CFAP299: variants seen among roughly 807,000 people sequenced by gnomAD.
CFAP299 encodes the protein cilia- and flagella-associated protein 299.
CFAP299 carries 21 observed loss-of-function variants against 27.0 expected under a neutral mutation model. The observed-to-expected ratio is 0.78, with a 90% confidence interval of 0.55 to 1.12. The LOEUF (loss-of-function observed/expected upper bound fraction) is 1.12. Ranked by LOEUF, CFAP299 falls within the 50% of genes most tolerant of loss-of-function variation. The pLI, the probability that CFAP299 is intolerant of heterozygous loss-of-function variation, is 0.00. For missense variants in CFAP299, 310 were observed against 276.6 expected, an observed-to-expected ratio of 1.12 and a Z score of -0.86; for synonymous variants, 104 against 98.1, an observed-to-expected ratio of 1.06 and a Z score of -0.36.
At chr4:80,479,353 C>T (rs770580330) in intron 2 of CFAP299, among the ~76,000 whole-genome samples, 1 of 151,770 alleles carries the variant, frequency 6.6e-6, no homozygotes, top group Non-Finnish European at 1.5e-5. Flanking sequence ...TCTTTCATCC[C>T]AAGGCTTTTA....
chr4:80,480,675 A>G (rs1454084528), intron 2 of CFAP299, among the ~76,000 whole-genome samples: 1 of 152,016 alleles, frequency 6.6e-6, no homozygotes, highest in Non-Finnish European at 1.5e-5. Context: ...ATTTACTCAT[A>G]ACAACTGGAT....
intron 2 of CFAP299, among the ~76,000 whole-genome samples, chr4:80,446,079 C>A (rs891217517): frequency 2.6e-5 from 4 of 152,042 alleles, no homozygotes. Flanking sequence ...GCATGCTTGA[C>A]ATGTATTAGG....
chr4:80,561,707 G>A (rs934694957), intron 2 of CFAP299, among the ~76,000 whole-genome samples: 1 of 152,030 alleles, frequency 6.6e-6, no homozygotes, highest in African/African-American at 2.4e-5. Flanking sequence ...AACAGATCAA[G>A]CAGAAAAGAG....
chr4:80,639,030 C>T (rs1225264582), intron 3 of CFAP299, among the ~76,000 whole-genome samples: 2 of 152,112 alleles, frequency 1.3e-5, no homozygotes, highest in Non-Finnish European at 2.9e-5. Context: ...GGTGTCTCTT[C>T]TTATAAGGCC....
rs10696316 is a variant in CFAP299 at position 80,916,252 on chromosome 4, A to AATATATATATATATATATAT, written c.477-28533_477-28514dup. The stretch of plus-strand genomic sequence containing the variant: ...ACTCTGGTCTGGGCAACTAGACTGA[A>AATATATATATATATATATAT]ATATATATATATATATATATATATA... On this transcript the variant is annotated intron_variant, in intron 4 of 5. Coordinates refer to ENST00000358105, the MANE Select transcript of CFAP299 (RefSeq NM_152770.3). 6.6e-4 allele frequency among the ~76,000 whole-genome samples: 40 copies of AATATATATATATATATATAT among 60,956 alleles called. 1 individual carries two copies. Among genetic ancestry groups the AATATATATATATATATATAT allele is most frequent in the Non-Finnish European group, 7.5e-4 (19 of 25,240 alleles). 40.0% of individuals were successfully genotyped at this position (60,956 alleles called of 152,430 possible).
intron 2 of CFAP299, among the ~76,000 whole-genome samples, chr4:80,503,740 C>A (rs572825424): frequency 6.6e-6 from 1 of 152,200 alleles, no homozygotes; most frequent in Non-Finnish European, 1.5e-5. Context: ...GGCTATCAGC[C>A]CCTTGAGAGC....
At position 80,812,508 on chromosome 4, in the gene CFAP299, C is replaced by A. The variant is rs1201776558; in HGVS notation, c.334-57485C>A. ...AAGCACTAAACTGTATTATGAAAAG[C>A]TGCTTTCATTTATTTCATTTATTTA... is the stretch of plus-strand genomic sequence containing the variant. On this transcript the variant is annotated intron_variant, in intron 3 of 5. Transcript: ENST00000358105. 2.6e-5 allele frequency among the ~76,000 whole-genome samples: 4 copies of A among 152,110 alleles called. 1 individual carries two copies. In the South Asian group the frequency reaches 6.2e-4, roughly 24 times the overall value.
chr4:80,728,504 T>A (rs900848827), intron 3 of CFAP299, among the ~76,000 whole-genome samples: 4 of 151,628 alleles, frequency 2.6e-5, no homozygotes, highest in African/African-American at 9.7e-5. Context: ...AATTTCTATT[T>A]ATTTATTTCT....
chr4:80,878,354 T>C (rs1733526208), intron 4 of CFAP299, among the ~76,000 whole-genome samples: 1 of 152,112 alleles, frequency 6.6e-6, no homozygotes, highest in South Asian at 2.1e-4. Flanking sequence ...ATTTTCTTTA[T>C]ACTGGGAGAT....
chr4:80,568,124 A>G (rs1004412228), intron 2 of CFAP299, among the ~76,000 whole-genome samples: 3 of 151,878 alleles, frequency 2.0e-5, no homozygotes, highest in Admixed American at 6.6e-5. Context: ...AAAATGAGTT[A>G]GAAAAACTTT....
At chr4:80,858,773 A>G (rs1443079005) in intron 3 of CFAP299, among the ~76,000 whole-genome samples, 1 of 151,950 alleles carries the variant, frequency 6.6e-6, no homozygotes, top group Non-Finnish European at 1.5e-5. Flanking sequence ...GGTCTGAGAG[A>G]TAGTTTGTTA....
rs988557593 is a variant in CFAP299, at chr4:80,605,188, C to T, written c.333+22005C>T. On this transcript the variant is annotated intron_variant, in intron 3 of 5. Transcript: ENST00000358105. Reference sequence around the variant, plus strand: ...TGCAGTCATGCTGAAATAATTTATTCATATTTTAGAGAGTGAGAGGTAGAT... The same window carrying T: ...TGCAGTCATGCTGAAATAATTTATTTATATTTTAGAGAGTGAGAGGTAGAT... Among the ~76,000 whole-genome samples the T allele has an allele frequency of 2.0e-5, 3 of 152,178 alleles. No homozygotes were observed. The East Asian group carries it at 5.8e-4, about 29-fold the overall frequency.
intron 2 of CFAP299, among the ~76,000 whole-genome samples, chr4:80,450,776 ATAT>A (rs1474660241): frequency 1.3e-5 from 2 of 152,112 alleles, no homozygotes; most frequent in East Asian, 3.9e-4. Context: ...AGTTGTTAAA[ATAT>A]TATTTTCAAC....
chr4:80,687,933 G>T (rs1720330674), intron 3 of CFAP299, among the ~76,000 whole-genome samples: 1 of 152,188 alleles, frequency 6.6e-6, no homozygotes, highest in South Asian at 2.1e-4. Context: ...GTGACAGACG[G>T]CACCTGGAAG....
At chr4:80,691,858 A>T (rs529789779) in intron 3 of CFAP299, among the ~76,000 whole-genome samples, 63 of 152,352 alleles carry the variant, frequency 4.1e-4, no homozygotes, top group Non-Finnish European at 7.2e-4. Flanking sequence ...TCAGGATACA[A>T]AATCAATGTA....
intron 3 of CFAP299, among the ~76,000 whole-genome samples, chr4:80,618,604 C>A (rs796796793): frequency 3.3e-5 from 5 of 152,098 alleles, no homozygotes; most frequent in African/African-American, 1.2e-4. Context: ...TGGAAACATA[C>A]GTAAAAATCA....
chr4:80,549,373 G>T (rs1734394027), intron 2 of CFAP299, among the ~76,000 whole-genome samples: 1 of 152,092 alleles, frequency 6.6e-6, no homozygotes, highest in Non-Finnish European at 1.5e-5. Flanking sequence ...TTAGGACTTG[G>T]TGAAGAGTGA....
At chr4:80,460,174 G>T (rs1729367418) in intron 2 of CFAP299, among the ~76,000 whole-genome samples, 1 of 152,096 alleles carries the variant, frequency 6.6e-6, no homozygotes. Flanking sequence ...GTTTCTGTCA[G>T]ACTCCTGAAA....
intron 2 of CFAP299, 45 bp downstream of exon 2, chr4:80,362,929 A>G: frequency 6.5e-7 from 1 of 1,549,988 alleles, no homozygotes. Flanking sequence ...TATATTCTAG[A>G]CCTCTGGAGT....
Sources: gnomAD v4.1 joint callset for allele counts (sites outside exome capture counted in the v4.1 genomes callset) on GRCh38, gnomAD v4.1.1 for gene constraint, MANE v1.5 for transcripts, NCBI Gene and HGNC (gene_info 2026-07-23, HGNC 2026-07-21) for gene names.